The following USP9X variants were observed in gnomAD, a reference collection of about 807,000 sequenced individuals.
USP9X encodes ubiquitin carboxyl-terminal hydrolase 9X.
In USP9X, 7 loss-of-function variants were observed where a neutral mutation model predicts 190.3. The ratio of observed to expected loss-of-function variants is 0.04; its 90% CI spans 0.02 to 0.07. The LOEUF (loss-of-function observed/expected upper bound fraction) is 0.07. Ranked by LOEUF, USP9X falls within the 10% of genes least tolerant of loss-of-function variation. The probability of loss-of-function intolerance (pLI) is 1.00; values close to 1 mark genes in which losing one functional copy is unlikely to be tolerated. For missense variants in USP9X, 1,010 were observed against 1,916.9 expected (o/e 0.53, Z 8.83); for synonymous variants, 645 against 659.5 (o/e 0.98, Z 0.34).
rs749216997 is a variant in USP9X, at chrX:41,230,350, T to G, written c.7432-151T>G. 3.2e-5 allele frequency: 13 copies of G among 408,646 alleles called. No individual in the cohort carries two copies. The South Asian group carries it at 4.3e-4, about 14-fold the overall frequency. The allele number at this position is 408,646 out of a possible 1,213,427, so 33.7% of individuals were successfully genotyped here. On this transcript the variant is annotated intron_variant, in intron 43 of 44. Transcript: ENST00000378308. The stretch of plus-strand genomic sequence containing the variant: ...TTTTTTGTTTTGTTTTTTTTTTTTT[T>G]GTTTTTTCCCCAAGTTCTTTATCTG...
At chrX:41,135,464 G>A (rs752477223) in intron 5 of USP9X, among the ~76,000 whole-genome samples, 7 of 111,752 alleles carry the variant, frequency 6.3e-5, no homozygotes, top group Non-Finnish European at 1.1e-4. Context: ...ACTAGCAGAA[G>A]CAAACACAAT....
intron 1 of USP9X, among the ~76,000 whole-genome samples, chrX:41,093,600 C>T (rs2061969028): frequency 1.8e-5 from 2 of 111,640 alleles, no homozygotes; most frequent in Non-Finnish European, 3.8e-5. Flanking sequence ...GCCTCGGCTT[C>T]CCAAAGTGCT....
chrX:41,152,945 C>T lies in USP9X; in HGVS notation c.1764-3C>T. The T allele has an allele frequency of 1.7e-6, 2 of 1,206,410 alleles. No homozygotes were observed. The highest frequency in any genetic ancestry group is 2.2e-6 in the Non-Finnish European group (2 of 892,921). Reference sequence around the variant, plus strand: ...TTATATTGTTAAGTTCTTCTCGTTTCAGTCAAACTCAGCGAAGTCCCCATG... The same window carrying T: ...TTATATTGTTAAGTTCTTCTCGTTTTAGTCAAACTCAGCGAAGTCCCCATG... On this transcript the variant is annotated splice_region_variant and splice_polypyrimidine_tract_variant and intron_variant, in intron 13 of 44. Transcript: ENST00000378308.
intron 1 of USP9X, among the ~76,000 whole-genome samples, chrX:41,109,079 C>T (rs2062090463): frequency 8.9e-6 from 1 of 111,806 alleles, no homozygotes; most frequent in Admixed American, 9.5e-5. Flanking sequence ...AGCTACTGTC[C>T]TGCTGAGCTG....
chrX:41,118,427 A>T (rs1246616460), intron 1 of USP9X, among the ~76,000 whole-genome samples: 1 of 111,947 alleles, frequency 8.9e-6, no homozygotes, highest in African/African-American at 3.3e-5. Context: ...GATGTCCTCA[A>T]GGTTCACCCA....
At chrX:41,204,433 A>G (rs1422965325) in intron 31 of USP9X, among the ~76,000 whole-genome samples, 4 of 104,610 alleles carry the variant, frequency 3.8e-5, no homozygotes, top group Non-Finnish European at 7.8e-5. Context: ...TTTTTTTAAC[A>G]GTTCTGTGGT....
intron 9 of USP9X, among the ~76,000 whole-genome samples, chrX:41,142,574 C>G (rs1013326428): frequency 8.9e-6 from 1 of 112,214 alleles, no homozygotes; most frequent in Non-Finnish European, 1.9e-5. Flanking sequence ...GAGACATGTA[C>G]TTCTCTAGCA....
intron 26 of USP9X, among the ~76,000 whole-genome samples, chrX:41,192,878 A>G (rs1490789372): frequency 9.0e-6 from 1 of 111,415 alleles, no homozygotes; most frequent in East Asian, 2.8e-4. Context: ...ATAAAGCAGG[A>G]AAAGGGGCTG....
intron 26 of USP9X, among the ~76,000 whole-genome samples, chrX:41,195,604 A>G (rs1251731612): frequency 9.0e-6 from 1 of 111,416 alleles, no homozygotes; most frequent in Non-Finnish European, 1.9e-5. Flanking sequence ...TCAGGGAGGT[A>G]GTGGGGGATG....
intron 28 of USP9X, 33 bp from the exon 29 acceptor site, chrX:41,197,331 T>TGCCCG: frequency 2.1e-6 from 1 of 486,767 alleles, no homozygotes; most frequent in Non-Finnish European, 2.9e-6. Context: ...TTTGATTTCT[T>TGCCCG]CCCCCCCCCA....
chrX:41,130,811 C>T lies in USP9X; in HGVS notation c.243-646C>T, dbSNP rs745433652. 8.2e-5 allele frequency among the ~76,000 whole-genome samples: 9 copies of T among 109,818 alleles called. No homozygotes were observed. In the South Asian group the frequency reaches 2.8e-3, roughly 34 times the overall value. On this transcript the variant is annotated intron_variant, in intron 3 of 44. Coordinates refer to ENST00000378308, the MANE Select transcript of USP9X (RefSeq NM_001039591.3). ...CACAATCTTGGCTCACTGCAACCTC[C>T]GCCTCCCAGGTTCAAGCGATTCTCC... is the stretch of plus-strand genomic sequence containing the variant.
At chrX:41,142,539 A>G (rs2062432041) in intron 9 of USP9X, among the ~76,000 whole-genome samples, 1 of 111,888 alleles carries the variant, frequency 8.9e-6, no homozygotes, top group South Asian at 3.7e-4. Context: ...CAGATTAGAC[A>G]TTAAAAACTG....
intron 38 of USP9X, among the ~76,000 whole-genome samples, chrX:41,221,311 A>G (rs1022595245): frequency 5.3e-5 from 6 of 112,376 alleles, no homozygotes; most frequent in Non-Finnish European, 1.1e-4. Flanking sequence ...GATTTCAGAT[A>G]AGAGGTTGTG....
At chrX:41,217,470 G>C in intron 36 of USP9X, 127 bp downstream of exon 36, 1 of 761,601 alleles carries the variant, frequency 1.3e-6, no homozygotes, top group Non-Finnish European at 1.8e-6. Context: ...AAAAACTCTG[G>C]GTCACAATAG....
rs770263783 is a variant in USP9X at position 41,232,400 on chromosome X, A to G, written c.7541A>G (p.His2514Arg). 8.3e-6 allele frequency: 10 copies of G among 1,205,063 alleles called. No homozygotes were observed. Among genetic ancestry groups the G allele is most frequent in the Admixed American group, 2.2e-5 (1 of 45,234 alleles). The change falls in exon 45 of 45, where the codon CAT becomes CGT. Residue 2514 changes from histidine to arginine, a missense_variant. Transcript: ENST00000378308. ...CTCCTTTCCCAGAATAACCATGTGCATGGACAGCCATATACAGGCCCAGCA... is the reference window on the plus strand; with the variant it reads ...CTCCTTTCCCAGAATAACCATGTGCGTGGACAGCCATATACAGGCCCAGCA... ...GSQYQQNNHV[H>R]GQPYTGPAAH...
chrX:41,161,970 G>C (rs909427463), intron 14 of USP9X, among the ~76,000 whole-genome samples: 5 of 110,645 alleles, frequency 4.5e-5, no homozygotes, highest in East Asian at 2.8e-4. Flanking sequence ...TGAAAGTAGA[G>C]TGTTTATGCC....
At chrX:41,106,076 G>A (rs1471592455) in intron 1 of USP9X, among the ~76,000 whole-genome samples, 1 of 111,908 alleles carries the variant, frequency 8.9e-6, no homozygotes, top group Non-Finnish European at 1.9e-5. Context: ...TTTGTGGGCT[G>A]TGGGTTGTCT....
intron 26 of USP9X, among the ~76,000 whole-genome samples, chrX:41,194,772 A>G (rs923566687): frequency 9.0e-6 from 1 of 111,180 alleles, no homozygotes; most frequent in Non-Finnish European, 1.9e-5. Context: ...TTACTTTGTA[A>G]TGGAGATAGA....
At chrX:41,090,852 C>T (rs2061950896) in intron 1 of USP9X, among the ~76,000 whole-genome samples, 1 of 110,584 alleles carries the variant, frequency 9.0e-6, no homozygotes, top group Non-Finnish European at 1.9e-5. Context: ...GGATTCCACA[C>T]TCACATGTAT....
Sources: gnomAD v4.1 joint callset for allele counts (sites outside exome capture counted in the v4.1 genomes callset) on GRCh38, gnomAD v4.1.1 for gene constraint, MANE v1.5 for transcripts, NCBI Gene and HGNC (gene_info 2026-07-23, HGNC 2026-07-21) for gene names.